Variants in TAP2 observed in about 807,000 individuals in gnomAD.
The protein encoded by TAP2 is antigen peptide transporter 2.
TAP2 carries 49 observed loss-of-function variants against 74.7 expected under a neutral mutation model. The observed-to-expected ratio is 0.66, with a 90% CI of 0.52 to 0.83. The LOEUF is 0.83. Ranked by LOEUF, TAP2 falls within the 40% of genes least tolerant of loss-of-function variation. TAP2 has a pLI of 0.00. For missense variants in TAP2, 739 were observed against 859.0 expected, an observed-to-expected ratio of 0.86 and a Z score of 1.75; for synonymous variants, 306 against 368.4, an observed-to-expected ratio of 0.83 and a Z score of 1.94.
At chr6:32,836,538 T>C (rs1014328064) in intron 3 of TAP2, among the ~76,000 whole-genome samples, 6 of 152,224 alleles carry the variant, frequency 3.9e-5, no homozygotes, top group South Asian at 2.1e-4. Flanking sequence ...ATGAACATCA[T>C]AGAGTGTACT....
chr6:32,828,679 C>CCCCCCCCCCCCCCCCCCCCACCA lies in TAP2; in HGVS notation c.*226_*227insTGGTGGGGGGGGGGGGGGGGGGG. ...TAAGTTTCCTGGACACAGACAGCCC[C>CCCCCCCCCCCCCCCCCCCCACCA]CACCCCACCCCACCCCACCTCTCTA... On this transcript the variant is annotated 3_prime_UTR_variant, in exon 12 of 12. Transcript: ENST00000374897. 2 of 948,138 alleles carry CCCCCCCCCCCCCCCCCCCCACCA rather than the reference C, an allele frequency of 2.1e-6. No individual in the cohort carries two copies. The highest frequency in any genetic ancestry group is 4.3e-5 in the South Asian group (1 of 23,290). 58.7% of individuals were successfully genotyped at this position (948,138 alleles called of 1,614,324 possible).
rs1189910363 is a variant in TAP2, at chr6:32,835,305, G to A, written c.794C>T (p.Pro265Leu). ...SDTTLMSNWLPLNANVLLRSL... is the reference protein window; with the variant it reads ...SDTTLMSNWLLLNANVLLRSL... ...TCGCAAGAGCACATTGGCATTTAAAGGAAGCCAGTTACTCATCAGGGTGGT... is the reference window on the plus strand; with the variant it reads ...TCGCAAGAGCACATTGGCATTTAAAAGAAGCCAGTTACTCATCAGGGTGGT... Residue 265 changes from proline (P) to leucine (L), a missense_variant, in exon 5 of 12, where the codon CCT becomes CTT. Coordinates refer to ENST00000374897, the MANE Select transcript of TAP2 (RefSeq NM_001290043.2). The surrounding 1 kb of genome is among the most constrained non-coding windows in gnomAD (Gnocchi z 4.0). The A allele has an allele frequency of 6.2e-7, 1 of 1,613,078 alleles. No individual in the cohort carries two copies. Among genetic ancestry groups the A allele is most frequent in the Non-Finnish European group, 8.5e-7 (1 of 1,180,032 alleles).
intron 5 of TAP2, among the ~76,000 whole-genome samples, chr6:32,833,365 C>A (rs956894968): frequency 3.3e-5 from 5 of 151,936 alleles, no homozygotes; most frequent in Admixed American, 1.3e-4. Context: ...AAAAAGCAAC[C>A]ATGAAATACA....
rs779665536 is a variant in TAP2, at chr6:32,835,667, C to G, written c.715G>C (p.Gly239Arg). Reference sequence around the variant, plus strand: ...CCTGTCTTAGTCTCCTGGAAGAAACCGAGGTCCTGGCGCAGCAGGGAGGAG... The same window carrying G: ...CCTGTCTTAGTCTCCTGGAAGAAACGGAGGTCCTGGCGCAGCAGGGAGGAG... ...LFSSLLRQDLGFFQETKTGEL... is the reference protein window; with the variant it reads ...LFSSLLRQDLRFFQETKTGEL... Residue 239 changes from glycine to arginine, a missense_variant, in exon 4 of 12, where the codon GGT becomes CGT. Coordinates refer to ENST00000374897, the MANE Select transcript of TAP2 (RefSeq NM_001290043.2). The surrounding 1 kb of genome is among the most constrained non-coding windows in gnomAD (Gnocchi z 4.0). 2.5e-6 allele frequency: 4 copies of G among 1,612,922 alleles called. No homozygotes were observed. In the African/African-American group the frequency reaches 5.3e-5, roughly 22 times the overall value.
rs192558927 is a variant in TAP2 at position 32,827,859 on chromosome 6, G to A, written c.*1047C>T. On this transcript the variant is annotated 3_prime_UTR_variant, in exon 12 of 12. Coordinates refer to ENST00000374897, the MANE Select transcript of TAP2 (RefSeq NM_001290043.2). The stretch of plus-strand genomic sequence containing the variant: ...CTTTGTGAAGAATGGCCGGAAGAGG[G>A]AAGCTAATGGTAGAGAAACCTCTCT... 528 of 865,888 alleles carry A rather than the reference G, an allele frequency of 6.1e-4. 122 individuals are homozygous for A. In the South Asian group the frequency reaches 0.016, roughly 26 times the overall value. The allele number at this position is 865,888 out of a possible 1,614,324, so 53.6% of individuals were successfully genotyped here.
rs241451 is a variant in TAP2 at position 32,828,703 on chromosome 6, T to C, written c.*203A>G. 293,141 of 692,078 alleles carry C rather than the reference T, an allele frequency of 0.42. 44,773 individuals carry two copies. Among genetic ancestry groups the C allele is most frequent in the South Asian group, 0.44 (9,256 of 20,922 alleles). The allele number at this position is 692,078 out of a possible 1,614,324, so 42.9% of individuals were successfully genotyped here. A position where few individuals can be genotyped will look rare whatever the true frequency, so the allele number is the denominator to read the frequency against. The stretch of plus-strand genomic sequence containing the variant: ...CCCACCCCACCCCACCCCACCTCTC[T>C]ACCCCACCAAAAGCACACAGTGTCC... On this transcript the variant is annotated 3_prime_UTR_variant, in exon 12 of 12. Coordinates refer to ENST00000374897, the MANE Select transcript of TAP2 (RefSeq NM_001290043.2).
chr6:32,823,230 T>G (rs1768420587), downstream of TAP2, among the ~76,000 whole-genome samples: 1 of 152,162 alleles, frequency 6.6e-6, no homozygotes, highest in Non-Finnish European at 1.5e-5. Context: ...TATTTTTTTG[T>G]CCACTTAACT....
At chr6:32,837,261 G>A (rs917310739) in intron 3 of TAP2, among the ~76,000 whole-genome samples, 1 of 152,142 alleles carries the variant, frequency 6.6e-6, no homozygotes, top group Non-Finnish European at 1.5e-5. Flanking sequence ...AGACAACTGA[G>A]AGACATTCCA....
intron 3 of TAP2, among the ~76,000 whole-genome samples, chr6:32,836,365 A>T (rs1187846991): frequency 1.3e-5 from 2 of 152,240 alleles, no homozygotes; most frequent in Non-Finnish European, 2.9e-5. Flanking sequence ...AAAAAATATA[A>T]AGCATAAAAG....
At chr6:32,822,875 T>C (rs1160994525), downstream of TAP2, among the ~76,000 whole-genome samples, 1 of 151,812 alleles carries the variant, frequency 6.6e-6, no homozygotes, top group Non-Finnish European at 1.5e-5. Context: ...AGCATATCTA[T>C]TTTTTTATTG....
Position 32,832,194 on chromosome 6 carries a change from A to T in TAP2, c.1272+139T>A. 1 of 1,263,258 alleles carries T rather than the reference A, an allele frequency of 7.9e-7. No individual in the cohort carries two copies. The highest frequency in any genetic ancestry group is 1.1e-6 in the Non-Finnish European group (1 of 900,226). 78.3% of individuals were successfully genotyped at this position (1,263,258 alleles called of 1,614,324 possible). On this transcript the variant is annotated intron_variant, in intron 7 of 11. Transcript: ENST00000374897. The surrounding 1 kb of genome is among the most constrained non-coding windows in gnomAD (Gnocchi z 5.9). Reference sequence around the variant, plus strand: ...TTTGTCTCATTTTTGGCATATGTTTAAAATTCTCCATAGCAAAATTACTTG... The same window carrying T: ...TTTGTCTCATTTTTGGCATATGTTTTAAATTCTCCATAGCAAAATTACTTG...
chr6:32,836,465 G>T (rs1769427368), intron 3 of TAP2, among the ~76,000 whole-genome samples: 1 of 152,214 alleles, frequency 6.6e-6, no homozygotes, highest in Non-Finnish European at 1.5e-5. Context: ...TATAATGAGG[G>T]TTTGTACTTT....
At chr6:32,824,417 T>C (rs1054729668), downstream of TAP2, among the ~76,000 whole-genome samples, 4 of 152,144 alleles carry the variant, frequency 2.6e-5, no homozygotes, top group African/African-American at 9.6e-5. Flanking sequence ...TTCATGTTTT[T>C]AGGTTTCTTG....
At chr6:32,823,762 A>C (rs1279030372), downstream of TAP2, among the ~76,000 whole-genome samples, 1 of 149,820 alleles carries the variant, frequency 6.7e-6, no homozygotes, top group Admixed American at 6.6e-5. Flanking sequence ...TAATGTTTAC[A>C]TGAGTATTTT....
At position 32,827,715 on chromosome 6, in the gene TAP2, G is replaced by C; in HGVS notation, c.*1191C>G. On this transcript the variant is annotated 3_prime_UTR_variant, in exon 12 of 12. Coordinates refer to ENST00000374897, the MANE Select transcript of TAP2 (RefSeq NM_001290043.2). ...AGCTGGATACAACAGGAGAGGGTGA[G>C]ACAGATGGGCTGGAACAGTGTGTGC... The C allele has an allele frequency of 1.1e-6, 1 of 939,908 alleles. No individual in the cohort carries two copies. The highest frequency in any genetic ancestry group is 1.3e-6 in the Non-Finnish European group (1 of 789,534). 58.2% of individuals were successfully genotyped at this position (939,908 alleles called of 1,614,324 possible). A position where few individuals can be genotyped will look rare whatever the true frequency, so the allele number is the denominator to read the frequency against.
chr6:32,828,083 C>A lies in TAP2; in HGVS notation c.*823G>T. Reference sequence around the variant, plus strand: ...CTCTAGGGTCAGGCCTGTGTTCAAACTCCAACTCCACCACTACGACCACCT... The same window carrying A: ...CTCTAGGGTCAGGCCTGTGTTCAAAATCCAACTCCACCACTACGACCACCT... On this transcript the variant is annotated 3_prime_UTR_variant, in exon 12 of 12. Coordinates refer to ENST00000374897, the MANE Select transcript of TAP2 (RefSeq NM_001290043.2). 1 of 874,610 alleles carries A rather than the reference C, an allele frequency of 1.1e-6. No homozygotes were observed. Among genetic ancestry groups the A allele is most frequent in the Non-Finnish European group, 1.4e-6 (1 of 729,738 alleles). 54.2% of individuals were successfully genotyped at this position (874,610 alleles called of 1,614,324 possible).
intron 1 of TAP2, 80 bp downstream of exon 1, chr6:32,838,573 G>A: frequency 3.3e-6 from 1 of 300,190 alleles, no homozygotes; most frequent in East Asian, 5.3e-5. Context: ...CAGAGGGACT[G>A]GGAAGCAGGA....
At position 32,835,045 on chromosome 6, in the gene TAP2, G is replaced by T; in HGVS notation, c.945+109C>A. On this transcript the variant is annotated intron_variant, in intron 5 of 11. Transcript: ENST00000374897. This position sits in a 1 kb window ranked among gnomAD's most constrained non-coding sequence, Gnocchi z 4.0. ...CTACAATATACCTTCTCCCCTAATG[G>T]CTGAGAAGAGAACATCTCTCTCTAG... 8.5e-7 allele frequency: 1 copy of T among 1,172,552 alleles called. No homozygotes were observed. Among genetic ancestry groups the T allele is most frequent in the Non-Finnish European group, 1.3e-6 (1 of 798,846 alleles). The allele number at this position is 1,172,552 out of a possible 1,614,324, so 72.6% of individuals were successfully genotyped here.
downstream of TAP2, among the ~76,000 whole-genome samples, chr6:32,822,627 A>ACTC (rs112098310): frequency 0.1 from 15,482 of 150,338 alleles, 1,197 homozygotes; most frequent in African/African-American, 0.22. Flanking sequence ...GCAGCCTTGA[A>ACTC]CTGGGCCCAA....
Sources: allele counts gnomAD v4.1 joint callset (sites outside exome capture counted in the v4.1 genomes callset), GRCh38; gene constraint gnomAD v4.1.1; non-coding constraint Gnocchi (gnomAD v3.1); transcripts MANE v1.5; gene names NCBI Gene and HGNC (gene_info 2026-07-23, HGNC 2026-07-21).